The following DHRS2 variants were observed in gnomAD, a reference collection of about 807,000 sequenced individuals.
DHRS2 encodes the protein dehydrogenase/reductase SDR family member 2, mitochondrial.
In DHRS2, 29 loss-of-function variants were observed where a neutral mutation model predicts 26.3. The ratio of observed to expected loss-of-function variants is 1.10; its 90% CI spans 0.82 to 1.50. The LOEUF is 1.50. Ranked by LOEUF, DHRS2 falls within the 40% of genes most tolerant of loss-of-function variation. The pLI, the probability that DHRS2 is intolerant of heterozygous loss-of-function variation, is 0.00. For synonymous variants in DHRS2, 164 were observed against 151.3 expected (o/e 1.08, Z -0.62); for missense variants, 439 against 367.1 (o/e 1.20, Z -1.60).
At chr14:23,630,443 T>C (rs570197614) in intron 1 of DHRS2, among the ~76,000 whole-genome samples, 1 of 152,378 alleles carries the variant, frequency 6.6e-6, no homozygotes, top group African/African-American at 2.4e-5. Context: ...ACAAAGCTCT[T>C]GGGGCTATCA....
intron 4 of DHRS2, chr14:23,640,253 TG>T: frequency 1.0e-6 from 1 of 994,362 alleles, no homozygotes; most frequent in Non-Finnish European, 1.2e-6. Flanking sequence ...CAAACATTTT[TG>T]TATGGTACAC....
intron 4 of DHRS2, 185 bp downstream of exon 4, chr14:23,640,080 T>C: frequency 4.3e-6 from 3 of 701,292 alleles, no homozygotes; most frequent in Non-Finnish European, 6.0e-6. Context: ...TTCTGGCTTG[T>C]TGGTTCTTAA....
intron 4 of DHRS2, chr14:23,642,794 T>G (rs1208136791): frequency 4.8e-6 from 1 of 207,058 alleles, no homozygotes; most frequent in Non-Finnish European, 9.9e-6. Context: ...TCTTGAACTT[T>G]TGGCCTTGAG....
chr14:23,643,069 A>T, intron 4 of DHRS2, 83 bp from the exon 5 acceptor site: 1 of 1,404,706 alleles, frequency 7.1e-7, no homozygotes, highest in Non-Finnish European at 1.0e-6. Flanking sequence ...TGCACAAATT[A>T]CAGGGCTCCA....
chr14:23,633,825 A>G (rs1890185604), upstream of DHRS2, among the ~76,000 whole-genome samples: 1 of 152,188 alleles, frequency 6.6e-6, no homozygotes, highest in Non-Finnish European at 1.5e-5. Context: ...TCTTCTGAGA[A>G]GGGAATTGGA....
intron 4 of DHRS2, 117 bp downstream of exon 4, chr14:23,640,012 G>C (rs531749940): frequency 1.1e-6 from 1 of 951,052 alleles, no homozygotes; most frequent in Admixed American, 4.2e-5. Context: ...GGAGAAGCAG[G>C]CCCTGGGTGG....
intron 1 of DHRS2, among the ~76,000 whole-genome samples, chr14:23,637,516 A>T (rs1466423255): frequency 1.3e-5 from 2 of 152,008 alleles, no homozygotes; most frequent in Non-Finnish European, 2.9e-5. Flanking sequence ...AACCCTGGAG[A>T]CCCCTTCCCT....
upstream of DHRS2, among the ~76,000 whole-genome samples, chr14:23,635,394 A>T (rs1473710446): frequency 6.6e-6 from 1 of 152,222 alleles, no homozygotes; most frequent in Non-Finnish European, 1.5e-5. Context: ...AAACTAATAC[A>T]GACTTGTTTC....
At chr14:23,637,345 T>TCTGATTGGTGAGCCCAGG (rs1431024923) in intron 1 of DHRS2, among the ~76,000 whole-genome samples, 1 of 152,142 alleles carries the variant, frequency 6.6e-6, no homozygotes, top group East Asian at 1.9e-4. Flanking sequence ...GACATAATTT[T>TCTGATTGGTGAGCCCAGG]TGCCCAAAGC....
intron 4 of DHRS2, chr14:23,642,949 G>C: frequency 1.8e-6 from 1 of 564,650 alleles, no homozygotes; most frequent in South Asian, 2.0e-5. Context: ...CTGCTCACAG[G>C]CCTGTGACTT....
upstream of DHRS2, among the ~76,000 whole-genome samples, chr14:23,633,384 G>A (rs1195413165): frequency 2.0e-5 from 3 of 152,166 alleles, no homozygotes; most frequent in Non-Finnish European, 4.4e-5. Context: ...TCTCAGGCAT[G>A]AGCCCCCCAT....
chr14:23,642,459 CAG>C (rs1399669192), intron 4 of DHRS2: 2 of 152,558 alleles, frequency 1.3e-5, no homozygotes, highest in Non-Finnish European at 2.9e-5. Context: ...AATGAAAGCT[CAG>C]AGAGACAAAA....
chr14:23,643,368 T>C (rs927003787), intron 5 of DHRS2, 149 bp downstream of exon 5: 10 of 707,496 alleles, frequency 1.4e-5, no homozygotes, highest in African/African-American at 5.3e-5. Flanking sequence ...CCTCCCCATC[T>C]GTGTGGCTGC....
chr14:23,640,547 A>C (rs1890608988), intron 4 of DHRS2: 1 of 554,044 alleles, frequency 1.8e-6, no homozygotes. Context: ...TGTTCCCTTC[A>C]CTCTCATGTT....
At chr14:23,638,659 G>A (rs1890466593) in intron 1 of DHRS2, 168 bp from the exon 2 acceptor site, 11 of 604,502 alleles carry the variant, frequency 1.8e-5, no homozygotes, top group Non-Finnish European at 3.1e-5. Flanking sequence ...GAGTTTTCAT[G>A]GATTGCTTTC....
At chr14:23,644,183 C>G in intron 6 of DHRS2, 21 bp downstream of exon 6, 1 of 1,613,792 alleles carries the variant, frequency 6.2e-7, no homozygotes, top group Non-Finnish European at 8.5e-7. Context: ...GGTCCTTGTG[C>G]TCCTGAGTGG....
Position 23,643,177 on chromosome 14 carries a change from C to T in DHRS2, c.446C>T (p.Pro149Leu), listed in dbSNP as rs750006582. 1 of 1,614,090 alleles carries T rather than the reference C, an allele frequency of 6.2e-7. No homozygotes were observed. Among genetic ancestry groups the T allele is most frequent in the Non-Finnish European group, 8.5e-7 (1 of 1,180,006 alleles). The part of the protein sequence containing the change: ...DKILSVNVKS[P>L]ALLLSQLLPY... ...ATCCTAAGTGTGAACGTGAAGTCCC[C>T]AGCCCTGCTGCTGAGCCAGTTGCTG... The change falls in exon 5 of 9, where the codon CCA (proline) becomes CTA (leucine). Residue 149 changes from proline (P) to leucine (L), a missense_variant. Coordinates refer to ENST00000250383, the MANE Select transcript of DHRS2 (RefSeq NM_005794.4).
Position 23,638,963 on chromosome 14 carries a change from C to T in DHRS2, c.99C>T (p.Val33=), listed in dbSNP as rs372389341. The T allele has an allele frequency of 1.1e-5, 17 of 1,613,846 alleles. No homozygotes were observed. Among genetic ancestry groups the T allele is most frequent in the Non-Finnish European group, 5.1e-6 (6 of 1,180,050 alleles). The change falls in exon 2 of 9, where the codon GTC becomes GTT. Residue 33 remains valine (V), a synonymous_variant. Coordinates refer to ENST00000250383, the MANE Select transcript of DHRS2 (RefSeq NM_005794.4). ...MSSTGIDRKG[V]LANRVAVVTG... is the part of the protein sequence containing the mutation. ...GCACCGGGATAGACAGGAAGGGCGT[C>T]CTGGCTAACCGGGTAGCCGTGGTCA...
At chr14:23,636,958 T>C (rs574319338) in intron 1 of DHRS2, among the ~76,000 whole-genome samples, 186 bp downstream of exon 1, 81 of 152,312 alleles carry the variant, frequency 5.3e-4, no homozygotes, top group African/African-American at 1.7e-3. Flanking sequence ...GAGTTGGGAA[T>C]GTTGTTTTGC....
Sources: gnomAD v4.1 joint callset for allele counts (sites outside exome capture counted in the v4.1 genomes callset) on GRCh38, gnomAD v4.1.1 for gene constraint, MANE v1.5 for transcripts, NCBI Gene and HGNC (gene_info 2026-07-23, HGNC 2026-07-21) for gene names.